RFX3: variants seen among roughly 807,000 people sequenced by gnomAD.
The protein encoded by RFX3 is transcription factor RFX3.
RFX3 carries 14 observed loss-of-function variants against 98.6 expected under a neutral mutation model. That is an observed-to-expected ratio of 0.14 (90% CI 0.09 to 0.22). The LOEUF (loss-of-function observed/expected upper bound fraction) is 0.22, where lower values mean the gene tolerates loss of function less well. Ranked by LOEUF, RFX3 falls within the 10% of genes least tolerant of loss-of-function variation. The pLI, the probability that RFX3 is intolerant of heterozygous loss-of-function variation, is 1.00. For synonymous variants in RFX3, 383 were observed against 328.4 expected (o/e 1.17, Z -1.80); for missense variants, 639 against 926.9 (o/e 0.69, Z 4.03).
At chr9:3,241,494 G>A (rs564329081) in intron 15 of RFX3, among the ~76,000 whole-genome samples, 22 of 152,266 alleles carry the variant, frequency 1.4e-4, no homozygotes, top group African/African-American at 4.6e-4. Flanking sequence ...AGAAAGAACC[G>A]CAGCCCTGGG....
chr9:3,509,255 G>C (rs1447493632), intron 1 of RFX3, among the ~76,000 whole-genome samples: 1 of 151,928 alleles, frequency 6.6e-6, no homozygotes, highest in Non-Finnish European at 1.5e-5. Flanking sequence ...GTCTCAGCTT[G>C]TACCACCTAT....
At chr9:3,266,529 T>C (rs749472448) in intron 11 of RFX3, among the ~76,000 whole-genome samples, 3 of 152,046 alleles carry the variant, frequency 2.0e-5, no homozygotes, top group Admixed American at 2.0e-4. Flanking sequence ...CAGATACTTA[T>C]GACGCTTTTT....
chr9:3,443,422 T>C (rs1158690648), intron 1 of RFX3, among the ~76,000 whole-genome samples: 1 of 152,208 alleles, frequency 6.6e-6, no homozygotes, highest in East Asian at 1.9e-4. Context: ...GTTCTCATCA[T>C]TCAGCTCCCA....
At chr9:3,476,976 C>A (rs993445918) in intron 1 of RFX3, among the ~76,000 whole-genome samples, 1 of 152,132 alleles carries the variant, frequency 6.6e-6, no homozygotes, top group East Asian at 1.9e-4. Flanking sequence ...AGATAACACA[C>A]CCTAGTGAGA....
At chr9:3,398,206 T>A (rs1267801826) in intron 1 of RFX3, among the ~76,000 whole-genome samples, 1 of 152,164 alleles carries the variant, frequency 6.6e-6, no homozygotes. Context: ...AATGACACTA[T>A]TTTTTACTAC....
chr9:3,384,139 G>A (rs908205532), intron 2 of RFX3, among the ~76,000 whole-genome samples: 1 of 152,066 alleles, frequency 6.6e-6, no homozygotes, highest in Non-Finnish European at 1.5e-5. Context: ...TGCTATCAGG[G>A]GCAGCAGGAA....
chr9:3,321,721 T>TTTTCTAGC (rs1831343469), intron 4 of RFX3, among the ~76,000 whole-genome samples: 1 of 152,198 alleles, frequency 6.6e-6, no homozygotes, highest in South Asian at 2.1e-4. Context: ...TTATCAATAT[T>TTTTCTAGC]TTTCTTATAG....
chr9:3,342,633 C>T (rs1363991860), intron 3 of RFX3, among the ~76,000 whole-genome samples: 1 of 151,344 alleles, frequency 6.6e-6, no homozygotes, highest in African/African-American at 2.4e-5. Flanking sequence ...AAGTATGAGT[C>T]AAAAAAGAGT....
At chr9:3,251,339 A>G (rs1443396743) in intron 14 of RFX3, among the ~76,000 whole-genome samples, 2 of 152,132 alleles carry the variant, frequency 1.3e-5, no homozygotes, top group Non-Finnish European at 1.5e-5. Flanking sequence ...TTATCTTTTT[A>G]AAAAATTAAT....
At chr9:3,500,988 T>C (rs570713479) in intron 1 of RFX3, among the ~76,000 whole-genome samples, 1 of 152,308 alleles carries the variant, frequency 6.6e-6, no homozygotes, top group East Asian at 1.9e-4. Flanking sequence ...TGGATATCTA[T>C]ATTGGCAGTG....
chr9:3,347,550 G>A (rs1834582822), intron 2 of RFX3, among the ~76,000 whole-genome samples: 1 of 152,090 alleles, frequency 6.6e-6, no homozygotes, highest in African/African-American at 2.4e-5. Context: ...AAGGCCGGGT[G>A]CGGTGGCTCA....
At chr9:3,435,675 C>A (rs2132607581) in intron 1 of RFX3, among the ~76,000 whole-genome samples, 1 of 151,962 alleles carries the variant, frequency 6.6e-6, no homozygotes, top group East Asian at 1.9e-4. Context: ...ACCACTGAAT[C>A]CCTACCAATT....
intron 2 of RFX3, among the ~76,000 whole-genome samples, chr9:3,371,650 T>A (rs1341966706): frequency 1.3e-5 from 2 of 152,126 alleles, no homozygotes; most frequent in Non-Finnish European, 2.9e-5. Flanking sequence ...TTAAGTAAGA[T>A]GAAAAGACGC....
At chr9:3,250,784 A>T (rs1821294438) in intron 14 of RFX3, among the ~76,000 whole-genome samples, 1 of 152,144 alleles carries the variant, frequency 6.6e-6, no homozygotes. Context: ...AGACATAAGT[A>T]GTAACATACA....
chr9:3,378,409 A>G (rs150555976), intron 2 of RFX3, among the ~76,000 whole-genome samples: 19 of 152,260 alleles, frequency 1.2e-4, no homozygotes, highest in Non-Finnish European at 2.2e-4. Flanking sequence ...AGTGTAACAA[A>G]CAAGTTGCAT....
intron 1 of RFX3, among the ~76,000 whole-genome samples, chr9:3,512,624 T>C (rs995084383): frequency 1.3e-5 from 2 of 151,924 alleles, no homozygotes; most frequent in African/African-American, 4.8e-5. Context: ...CTAGAAATAG[T>C]CAAACCTCAT....
At chr9:3,440,439 C>T (rs1239121505) in intron 1 of RFX3, among the ~76,000 whole-genome samples, 2 of 152,002 alleles carry the variant, frequency 1.3e-5, no homozygotes, top group Non-Finnish European at 2.9e-5. Flanking sequence ...ATATCATCTA[C>T]TTACTAGTTA....
intron 4 of RFX3, among the ~76,000 whole-genome samples, chr9:3,302,557 TAA>T (rs1245793799): frequency 1.3e-5 from 2 of 151,838 alleles, no homozygotes; most frequent in Non-Finnish European, 2.9e-5. Context: ...CCATGCAATT[TAA>T]GAGAGAAAAT....
At chr9:3,310,254 G>T (rs903317536) in intron 4 of RFX3, among the ~76,000 whole-genome samples, 1 of 152,048 alleles carries the variant, frequency 6.6e-6, no homozygotes, top group African/African-American at 2.4e-5. Flanking sequence ...GGACATGTTG[G>T]TTACATACAC....
Sources: allele counts gnomAD v4.1 joint callset (sites outside exome capture counted in the v4.1 genomes callset), GRCh38; gene constraint gnomAD v4.1.1; transcripts MANE v1.5; gene names NCBI Gene and HGNC (gene_info 2026-07-23, HGNC 2026-07-21).